Variants in RTF2 observed in about 807,000 individuals in gnomAD.
The protein encoded by RTF2 is replication termination factor 2.
RTF2 carries 18 observed loss-of-function variants against 38.0 expected under a neutral mutation model. The observed-to-expected ratio is 0.47, with a 90% CI of 0.33 to 0.70. The LOEUF is 0.70. RTF2 is among the 30% of genes least tolerant of loss of function. The probability of loss-of-function intolerance (pLI) is 0.02; values close to 1 mark genes in which losing one functional copy is unlikely to be tolerated. For synonymous variants in RTF2, 126 were observed against 137.1 expected, an observed-to-expected ratio of 0.92 and a Z score of 0.57; for missense variants, 311 against 379.6, an observed-to-expected ratio of 0.82 and a Z score of 1.50.
At chr20:56,492,063 C>A (rs191297524) in intron 5 of RTF2, among the ~76,000 whole-genome samples, 1 of 152,076 alleles carries the variant, frequency 6.6e-6, no homozygotes, top group Non-Finnish European at 1.5e-5. Flanking sequence ...CACGCGCACA[C>A]GAGAGATAAG....
At chr20:56,517,423 G>A (rs767861827) in intron 8 of RTF2, among the ~76,000 whole-genome samples, 6 of 152,136 alleles carry the variant, frequency 3.9e-5, no homozygotes, top group Non-Finnish European at 8.8e-5. Flanking sequence ...CACAAATGCT[G>A]GTTGTTTAGA....
At chr20:56,515,695 G>GA (rs1006625146) in intron 6 of RTF2, 2 of 105,412 alleles carry the variant, frequency 1.9e-5, no homozygotes, top group Non-Finnish European at 4.0e-5. Context: ...CACACACACG[G>GA]AAAAAATGCA....
chr20:56,503,383 C>T (rs1049054964), intron 5 of RTF2, among the ~76,000 whole-genome samples: 7 of 152,124 alleles, frequency 4.6e-5, no homozygotes, highest in South Asian at 2.1e-4. Context: ...CTCAAAACAA[C>T]GACAAGAAAT....
In RTF2 at chr20:56,484,125, G is replaced by C. The variant is rs375978790; in HGVS notation, c.413G>C (p.Arg138Pro). ...TATTTCTCCAGGTTCTGCTTCCTTC[G>C]GTGCTGCGGCTGTGTGTTTTCTGAG... is the stretch of plus-strand genomic sequence containing the variant. ...MNGRHRFCFL[R>P]CCGCVFSERA... The change falls in exon 5 of 9, where the codon CGG becomes CCG. Residue 138 changes from arginine (R) to proline (P), a missense_variant. By Grantham distance (103) the Arg-to-Pro change is moderately radical (BLOSUM62 -2). Transcript: ENST00000357348. 1.2e-6 allele frequency: 2 copies of C among 1,613,986 alleles called. No individual in the cohort carries two copies. The highest frequency in any genetic ancestry group is 1.7e-6 in the Non-Finnish European group (2 of 1,179,958).
At chr20:56,473,132 AAAAC>A (rs1264535452) in intron 1 of RTF2, among the ~76,000 whole-genome samples, 165 bp from the exon 2 acceptor site, 12 of 152,200 alleles carry the variant, frequency 7.9e-5, no homozygotes, top group Admixed American at 3.3e-4. Flanking sequence ...CCCCGTCTCA[AAAAC>A]AAACAAACAA....
chr20:56,478,064 G>A (rs909811954), intron 4 of RTF2, among the ~76,000 whole-genome samples: 3 of 152,184 alleles, frequency 2.0e-5, no homozygotes, highest in African/African-American at 7.2e-5. Flanking sequence ...AAAGCGTTAA[G>A]CCCTTTCCCC....
chr20:56,494,589 A>G (rs534756205), intron 5 of RTF2, among the ~76,000 whole-genome samples: 2 of 152,158 alleles, frequency 1.3e-5, no homozygotes, highest in African/African-American at 2.4e-5. Context: ...TGGATCCCTA[A>G]TTGAATCATA....
chr20:56,518,449 C>T lies in RTF2; in HGVS notation c.*184C>T. 1 of 574,272 alleles carries T rather than the reference C, an allele frequency of 1.7e-6. No homozygotes were observed. The allele number at this position is 574,272 out of a possible 1,614,324, so 35.6% of individuals were successfully genotyped here. On this transcript the variant is annotated 3_prime_UTR_variant, in exon 9 of 9. Transcript: ENST00000357348. ...TGAGGCGTGTCGGTTCCAGGGGGGACATGGGAGGGGCTGCACAGTGGCCCG... is the reference window on the plus strand; with the variant it reads ...TGAGGCGTGTCGGTTCCAGGGGGGATATGGGAGGGGCTGCACAGTGGCCCG...
intron 5 of RTF2, chr20:56,495,157 G>A: frequency 1.5e-6 from 2 of 1,360,512 alleles, no homozygotes; most frequent in Middle Eastern, 1.8e-4. Flanking sequence ...TATAGTTGTT[G>A]TAAAATTTGA....
At chr20:56,501,349 ACTAAACATGAG>A (rs1983916502) in intron 5 of RTF2, among the ~76,000 whole-genome samples, 2 of 152,328 alleles carry the variant, frequency 1.3e-5, no homozygotes, top group East Asian at 3.9e-4. Context: ...AGGTTTAGTT[ACTAAACATGAG>A]ATTTTCTGTC....
intron 1 of RTF2, among the ~76,000 whole-genome samples, 171 bp downstream of exon 1, chr20:56,468,937 T>C (rs1981821383): frequency 6.6e-6 from 1 of 152,202 alleles, no homozygotes; most frequent in African/African-American, 2.4e-5. Context: ...GGACATTCAA[T>C]GGGTGCTGAC....
intron 4 of RTF2, among the ~76,000 whole-genome samples, chr20:56,479,215 T>C (rs1982406308): frequency 6.6e-6 from 1 of 151,210 alleles, no homozygotes; most frequent in Admixed American, 6.6e-5. Flanking sequence ...CAGATTTTTT[T>C]TGTTTGTTTT....
At chr20:56,490,851 T>A (rs1209522300) in intron 5 of RTF2, among the ~76,000 whole-genome samples, 2 of 152,200 alleles carry the variant, frequency 1.3e-5, no homozygotes, top group Non-Finnish European at 2.9e-5. Flanking sequence ...ACTTAATTTT[T>A]AAAAATTAAA....
intron 5 of RTF2, among the ~76,000 whole-genome samples, chr20:56,490,379 C>G (rs114660799): frequency 1.3e-5 from 2 of 152,138 alleles, no homozygotes; most frequent in African/African-American, 4.8e-5. Flanking sequence ...ATATAAAGTT[C>G]TCCACAACAG....
At chr20:56,496,041 A>T (rs1479225166) in intron 5 of RTF2, among the ~76,000 whole-genome samples, 1 of 152,156 alleles carries the variant, frequency 6.6e-6, no homozygotes, top group Non-Finnish European at 1.5e-5. Flanking sequence ...TATACTCAGA[A>T]TTTTCCAAAG....
intron 5 of RTF2, among the ~76,000 whole-genome samples, chr20:56,503,377 A>G (rs1457683550): frequency 6.6e-6 from 1 of 152,246 alleles, no homozygotes; most frequent in East Asian, 1.9e-4. Flanking sequence ...TATCCACTCA[A>G]AACAACGACA....
intron 5 of RTF2, among the ~76,000 whole-genome samples, chr20:56,489,606 C>T (rs1274977025): frequency 6.6e-6 from 1 of 152,270 alleles, no homozygotes; most frequent in East Asian, 1.9e-4. Context: ...TTAAAAGTGT[C>T]AGCCATTCTT....
chr20:56,484,270 T>G, intron 5 of RTF2, 81 bp downstream of exon 5: 1 of 1,200,150 alleles, frequency 8.3e-7, no homozygotes, highest in Non-Finnish European at 1.2e-6. Flanking sequence ...CCTCCATTTG[T>G]TCTTTCTGAA....
chr20:56,497,038 G>C, intron 5 of RTF2: 1 of 1,551,660 alleles, frequency 6.4e-7, no homozygotes, highest in Non-Finnish European at 8.7e-7. Flanking sequence ...GAATGCACTA[G>C]AACTTTCATA....
Sources: allele counts gnomAD v4.1 joint callset (sites outside exome capture counted in the v4.1 genomes callset), GRCh38; gene constraint gnomAD v4.1.1; transcripts MANE v1.5; gene names NCBI Gene and HGNC (gene_info 2026-07-23, HGNC 2026-07-21).